Variants in MAML3 observed in about 807,000 individuals in gnomAD.
MAML3 encodes mastermind-like protein 3.
In MAML3, 27 loss-of-function variants were observed where a neutral mutation model predicts 101.9. That is an observed-to-expected ratio of 0.27 (90% CI 0.20 to 0.37). MAML3 has a LOEUF of 0.37. Among genes scored for constraint, MAML3 ranks in the 10% least tolerant of loss-of-function variants. The pLI is 1.00. For synonymous variants in MAML3, 501 were observed against 555.9 expected (o/e 0.90, Z 1.39); for missense variants, 1,316 against 1,444.9 (o/e 0.91, Z 1.45).
rs759339302 is a variant in MAML3, at chr4:139,735,140, G to C, written c.2080-4473C>G. ...GAGCCAGGCAGTCAAGTGTTACTGC[G>C]TACAGCAGGTAGCCTGGCAACTGAG... On this transcript the variant is annotated intron_variant, in intron 2 of 4. Coordinates refer to ENST00000509479, the MANE Select transcript of MAML3 (RefSeq NM_018717.5). This position sits in a 1 kb window ranked among gnomAD's most constrained non-coding sequence, Gnocchi z 5.8. 6.6e-6 allele frequency among the ~76,000 whole-genome samples: 1 copy of C among 152,226 alleles called. No individual in the cohort carries two copies. The highest frequency in any genetic ancestry group is 2.4e-5 in the African/African-American group (1 of 41,462).
At position 139,782,339 on chromosome 4, in the gene MAML3, T is replaced by C. The variant is rs560829594; in HGVS notation, c.2080-51672A>G. Among the ~76,000 whole-genome samples the C allele has an allele frequency of 8.5e-5, 13 of 152,220 alleles. No individual in the cohort carries two copies. The East Asian group carries it at 2.5e-3, about 29-fold the overall frequency. The stretch of plus-strand genomic sequence containing the variant: ...TACCATGCCCAACTAGTTTAAAATA[T>C]TGTTTTGGTAAAGATGGGGGTCTCA... On this transcript the variant is annotated intron_variant, in intron 2 of 4. Coordinates refer to ENST00000509479, the MANE Select transcript of MAML3 (RefSeq NM_018717.5).
chr4:139,843,118 C>A (rs1731391321), intron 2 of MAML3, among the ~76,000 whole-genome samples: 1 of 152,064 alleles, frequency 6.6e-6, no homozygotes, highest in Non-Finnish European at 1.5e-5. Context: ...ACGCTTTCTC[C>A]AACTTCTTTT....
chr4:139,864,674 C>CAA (rs70943450), intron 2 of MAML3, among the ~76,000 whole-genome samples: 26,757 of 69,442 alleles, frequency 0.39, 6,174 homozygotes, highest in African/African-American at 0.47. Context: ...GGCTCCGTCT[C>CAA]AAAAAAAAAA....
intron 2 of MAML3, among the ~76,000 whole-genome samples, chr4:139,879,721 CTGAT>C (rs79000826): frequency 1 from 149,514 of 150,178 alleles, 74,427 homozygotes; most frequent in Middle Eastern, 1. Context: ...GCAGTGGAAT[CTGAT>C]TGATTACCTG....
chr4:139,922,502 C>T (rs1733147618), intron 1 of MAML3, among the ~76,000 whole-genome samples: 1 of 152,138 alleles, frequency 6.6e-6, no homozygotes, highest in South Asian at 2.1e-4. Flanking sequence ...GATTGGTTTT[C>T]TGCCTTAGCT....
intron 1 of MAML3, among the ~76,000 whole-genome samples, chr4:140,085,672 T>C (rs1019728676): frequency 4.6e-5 from 7 of 152,134 alleles, no homozygotes; most frequent in Admixed American, 4.6e-4. Context: ...TGAAAATACT[T>C]CCGATTGCTT....
intron 1 of MAML3, among the ~76,000 whole-genome samples, chr4:140,085,723 C>T (rs189799182): frequency 6.6e-6 from 1 of 152,222 alleles, no homozygotes; most frequent in Admixed American, 6.5e-5. Flanking sequence ...CCCACGGGTA[C>T]CTTTCAATGT....
chr4:139,835,133 A>G (rs1731234489), intron 2 of MAML3, among the ~76,000 whole-genome samples: 1 of 152,244 alleles, frequency 6.6e-6, no homozygotes. Flanking sequence ...AATGAACTAA[A>G]GTTTAACTAA....
At chr4:139,858,584 C>T (rs1378466374) in intron 2 of MAML3, among the ~76,000 whole-genome samples, 1 of 151,720 alleles carries the variant, frequency 6.6e-6, no homozygotes, top group Non-Finnish European at 1.5e-5. Flanking sequence ...TTTTGTGCGT[C>T]CCACACAGCT....
chr4:139,764,938 G>T (rs1221968418), intron 2 of MAML3, among the ~76,000 whole-genome samples: 1 of 152,226 alleles, frequency 6.6e-6, no homozygotes, highest in Admixed American at 6.5e-5. Flanking sequence ...GCAGGGCTGG[G>T]CCTGGGTTCA....
At chr4:140,026,339 C>G (rs1357160589) in intron 1 of MAML3, among the ~76,000 whole-genome samples, 1 of 152,134 alleles carries the variant, frequency 6.6e-6, no homozygotes, top group African/African-American at 2.4e-5. Context: ...ACTGCAACCT[C>G]CACCTCCCAG....
At chr4:139,792,837 C>T (rs930589845) in intron 2 of MAML3, among the ~76,000 whole-genome samples, 56 of 151,734 alleles carry the variant, frequency 3.7e-4, no homozygotes, top group African/African-American at 1.2e-3. Flanking sequence ...CTCCGCCTCC[C>T]GGGTTCACGC....
chr4:140,015,048 G>A (rs1170312753), intron 1 of MAML3, among the ~76,000 whole-genome samples: 2 of 152,094 alleles, frequency 1.3e-5, no homozygotes, highest in African/African-American at 4.8e-5. Flanking sequence ...AAGTGAAAAT[G>A]AGGCAAGTAC....
chr4:140,016,842 G>A (rs183992418), intron 1 of MAML3, among the ~76,000 whole-genome samples: 8 of 152,238 alleles, frequency 5.3e-5, no homozygotes, highest in African/African-American at 9.6e-5. Context: ...AATGTAAAAT[G>A]TAAAACTATA....
chr4:140,122,322 G>A (rs1474330514), intron 1 of MAML3, among the ~76,000 whole-genome samples: 1 of 147,144 alleles, frequency 6.8e-6, no homozygotes, highest in Admixed American at 7.0e-5. Context: ...CCCAATTCAA[G>A]CAATTCTCCT....
intron 1 of MAML3, among the ~76,000 whole-genome samples, chr4:140,148,921 T>C (rs1225351466): frequency 1.3e-5 from 2 of 152,236 alleles, no homozygotes; most frequent in African/African-American, 2.4e-5. Flanking sequence ...AAAGTTACGA[T>C]GGTGCTAATA....
intron 1 of MAML3, among the ~76,000 whole-genome samples, chr4:140,109,218 C>T (rs548542940): frequency 6.6e-6 from 1 of 152,142 alleles, no homozygotes; most frequent in Admixed American, 6.5e-5. Context: ...AAAAAGGAAC[C>T]CCTCCACAGT....
intron 1 of MAML3, among the ~76,000 whole-genome samples, chr4:140,082,517 A>C (rs559480183): frequency 6.6e-6 from 1 of 152,156 alleles, no homozygotes; most frequent in Non-Finnish European, 1.5e-5. Context: ...TGTTGGGCCT[A>C]ACATGGAGCT....
Position 140,003,304 on chromosome 4 carries a change from A to G in MAML3, c.469-112337T>C, listed in dbSNP as rs530930142. 2.4e-4 allele frequency among the ~76,000 whole-genome samples: 36 copies of G among 152,238 alleles called. No homozygotes were observed. The South Asian group carries it at 7.5e-3, about 32-fold the overall frequency. On this transcript the variant is annotated intron_variant, in intron 1 of 4. Transcript: ENST00000509479. The stretch of plus-strand genomic sequence containing the variant: ...TGGTTGGGTCTGGGTTACCTAAGGG[A>G]AAATTCTAGAGGGAGCTCTCGGACA...
Sources: allele counts gnomAD v4.1 joint callset (sites outside exome capture counted in the v4.1 genomes callset), GRCh38; gene constraint gnomAD v4.1.1; non-coding constraint Gnocchi (gnomAD v3.1); transcripts MANE v1.5; gene names NCBI Gene and HGNC (gene_info 2026-07-23, HGNC 2026-07-21).